Variants in DYDC2 observed in about 807,000 individuals in gnomAD.
DYDC2 encodes the protein DPY30 domain containing 2.
Under a neutral mutation model 18.7 loss-of-function variants are expected in DYDC2, and 19 were observed. The ratio of observed to expected loss-of-function variants is 1.02; its 90% CI spans 0.71 to 1.49. DYDC2 has a LOEUF of 1.49. DYDC2 is among the 40% of genes most tolerant of loss of function. DYDC2 has a pLI of 0.00. For missense variants in DYDC2, 179 were observed against 205.1 expected, an observed-to-expected ratio of 0.87 and a Z score of 0.78; for synonymous variants, 63 against 67.6, an observed-to-expected ratio of 0.93 and a Z score of 0.34.
In DYDC2 at chr10:80,362,694, G is replaced by T. The variant is rs148761573; in HGVS notation, c.147+104G>T. ...TGGAGCTGGCCTGGGGAATTTCTTGGTTTATTTGACTTGCTCTTAGAGCCA... is the reference window on the plus strand; with the variant it reads ...TGGAGCTGGCCTGGGGAATTTCTTGTTTTATTTGACTTGCTCTTAGAGCCA... On this transcript the variant is annotated intron_variant, in intron 3 of 4. Coordinates refer to ENST00000256039, the MANE Select transcript of DYDC2 (RefSeq NM_032372.6). The T allele has an allele frequency of 1.2e-3, 1,770 of 1,492,120 alleles. 18 individuals are homozygous for T. In the African/African-American group the frequency reaches 0.013, roughly 11 times the overall value. The allele number at this position is 1,492,120 out of a possible 1,614,324, so 92.4% of individuals were successfully genotyped here. A position where few individuals can be genotyped will look rare whatever the true frequency, so the allele number is the denominator to read the frequency against.
At chr10:80,355,447 T>A (rs748166893), upstream of DYDC2, among the ~76,000 whole-genome samples, 8 of 152,098 alleles carry the variant, frequency 5.3e-5, no homozygotes, top group Non-Finnish European at 1.2e-4. Context: ...AAATCACATA[T>A]GCATTCACCC....
At chr10:80,354,808 C>T (rs1197261609), upstream of DYDC2, among the ~76,000 whole-genome samples, 1 of 152,126 alleles carries the variant, frequency 6.6e-6, no homozygotes, top group Non-Finnish European at 1.5e-5. Flanking sequence ...ATGCCAATGC[C>T]TTGATTTTAG....
intron 4 of DYDC2, among the ~76,000 whole-genome samples, chr10:80,363,576 C>T (rs1843734639): frequency 6.6e-6 from 1 of 150,922 alleles, no homozygotes; most frequent in Non-Finnish European, 1.5e-5. Context: ...TCTTGATCTC[C>T]TGACCTCATG....
chr10:80,346,264 G>A (rs1357211867), intron 1 of DYDC2, among the ~76,000 whole-genome samples: 1 of 152,068 alleles, frequency 6.6e-6, no homozygotes, highest in Non-Finnish European at 1.5e-5. Context: ...TAAGGTGCTG[G>A]TTTCATTTCC....
chr10:80,352,532 C>T, upstream of DYDC2: 1 of 1,613,664 alleles, frequency 6.2e-7, no homozygotes, highest in South Asian at 1.1e-5. Context: ...ACTGGGCGAA[C>T]TCTTGCCACT....
chr10:80,348,352 C>T (rs769647738), intron 1 of DYDC2, among the ~76,000 whole-genome samples: 10 of 152,216 alleles, frequency 6.6e-5, no homozygotes, highest in African/African-American at 1.9e-4. Context: ...TTAGCTTTGG[C>T]TGCAGACTTG....
intron 1 of DYDC2, among the ~76,000 whole-genome samples, chr10:80,347,255 G>A (rs1842704940): frequency 7.7e-6 from 1 of 129,592 alleles, no homozygotes; most frequent in South Asian, 2.6e-4. Context: ...TAGGTCCTTT[G>A]CCCATTTTTT....
intron 1 of DYDC2, among the ~76,000 whole-genome samples, chr10:80,350,919 A>G: frequency 6.6e-6 from 1 of 152,142 alleles, no homozygotes; most frequent in Non-Finnish European, 1.5e-5. Context: ...ATGCTACCCC[A>G]ATCCTGCTTC....
intron 4 of DYDC2, among the ~76,000 whole-genome samples, chr10:80,363,972 A>G (rs890848825): frequency 6.6e-6 from 1 of 152,192 alleles, no homozygotes; most frequent in African/African-American, 2.4e-5. Context: ...CAATCTCCTG[A>G]AAAACGCCTT....
chr10:80,351,809 G>T, upstream of DYDC2: 1 of 1,108,978 alleles, frequency 9.0e-7, no homozygotes. Flanking sequence ...CTAAATAACT[G>T]GAGCTGGGAA....
rs1843611542 is a variant in DYDC2, at chr10:80,359,867, C to T, written c.-10+1822C>T. Reference sequence around the variant, plus strand: ...ACGCGGCCCCATTTCCCGCCCGCGCCTCTCCCTCCACACCTCCCTGCAAGC... The same window carrying T: ...ACGCGGCCCCATTTCCCGCCCGCGCTTCTCCCTCCACACCTCCCTGCAAGC... On this transcript the variant is annotated intron_variant, in intron 2 of 4. Transcript: ENST00000256039. 2.6e-5 allele frequency among the ~76,000 whole-genome samples: 4 copies of T among 152,292 alleles called. No homozygotes were observed. The South Asian group carries it at 6.2e-4, about 24-fold the overall frequency.
Position 80,351,751 on chromosome 10 carries a change from A to G in DYDC2, c.-309-4546A>G, listed in dbSNP as rs550623670. ...AACTCATGGCTGCTGCTTCTCCAGC[A>G]AAGAAGACACACACATCCATAAAGA... On this transcript the variant is annotated intron_variant, in intron 1 of 4. Coordinates refer to the DYDC2 transcript ENST00000372197. The G allele has an allele frequency of 1.9e-5, 13 of 688,918 alleles. No homozygotes were observed. In the South Asian group the frequency reaches 2.3e-4, roughly 12 times the overall value. The allele number at this position is 688,918 out of a possible 1,614,324, so 42.7% of individuals were successfully genotyped here.
chr10:80,365,154 TA>T (rs879565465), intron 4 of DYDC2, among the ~76,000 whole-genome samples: 154 of 151,138 alleles, frequency 1.0e-3, no homozygotes, highest in Admixed American at 3.1e-3. Flanking sequence ...TTGATCGCTT[TA>T]AAAAAAAACA....
rs1843877167 is a variant in DYDC2 at position 80,367,600 on chromosome 10, C to G, written c.*649C>G. On this transcript the variant is annotated 3_prime_UTR_variant, in exon 5 of 5. Coordinates refer to ENST00000256039, the MANE Select transcript of DYDC2 (RefSeq NM_032372.6). ...TCCTGGACCCCGGACATGTTCCAAG[C>G]CCTGCCTCAACTTTTCTCCCAACAC... 6.6e-6 allele frequency: 1 copy of G among 152,180 alleles called. No homozygotes were observed. The highest frequency in any genetic ancestry group is 2.4e-5 in the African/African-American group (1 of 41,408). The allele number at this position is 152,180 out of a possible 1,614,324, so 9.4% of individuals were successfully genotyped here.
intron 1 of DYDC2, among the ~76,000 whole-genome samples, chr10:80,350,830 G>C (rs1164636640): frequency 6.6e-6 from 1 of 152,076 alleles, no homozygotes; most frequent in African/African-American, 2.4e-5. Flanking sequence ...AGCCATTCTG[G>C]AACTTTCCTC....
intron 4 of DYDC2, among the ~76,000 whole-genome samples, chr10:80,364,999 A>G (rs1430632660): frequency 6.6e-6 from 1 of 152,194 alleles, no homozygotes; most frequent in Non-Finnish European, 1.5e-5. Context: ...GCTCCTTGCT[A>G]TTGGTCACCT....
upstream of DYDC2, chr10:80,351,977 T>C (rs1170960008): frequency 5.6e-6 from 9 of 1,614,144 alleles, no homozygotes; most frequent in Middle Eastern, 1.7e-4. Flanking sequence ...TCTTTCACGC[T>C]CCAGCTTGGC....
chr10:80,357,948 C>T lies in DYDC2; in HGVS notation c.-107C>T, dbSNP rs1241419354. The T allele has an allele frequency of 1.0e-6, 1 of 985,054 alleles. No homozygotes were observed. Among genetic ancestry groups the T allele is most frequent in the Non-Finnish European group, 1.2e-6 (1 of 829,710 alleles). The allele number at this position is 985,054 out of a possible 1,614,324, so 61.0% of individuals were successfully genotyped here. A position where few individuals can be genotyped will look rare whatever the true frequency, so the allele number is the denominator to read the frequency against. ...ACAGTAAACAAAGACAACCCCTATT[C>T]TTATCACCTTGCCTACTGAGTGCAA... On this transcript the variant is annotated 5_prime_UTR_variant, in exon 2 of 5. Transcript: ENST00000256039.
chr10:80,355,049 A>T (rs1171479864), upstream of DYDC2, among the ~76,000 whole-genome samples: 2 of 151,840 alleles, frequency 1.3e-5, no homozygotes, highest in African/African-American at 4.8e-5. Flanking sequence ...GGAAAGTAAA[A>T]AAAAAGCTTC....
Sources: gnomAD v4.1 joint callset for allele counts (sites outside exome capture counted in the v4.1 genomes callset) on GRCh38, gnomAD v4.1.1 for gene constraint, MANE v1.5 for transcripts, NCBI Gene and HGNC (gene_info 2026-07-23, HGNC 2026-07-21) for gene names.